Variants in SENP7 observed in about 807,000 individuals in gnomAD.
SENP7 encodes sentrin-specific protease 7.
Under a neutral mutation model 141.2 loss-of-function variants are expected in SENP7, and 64 were observed. The ratio of observed to expected loss-of-function variants is 0.45; its 90% CI spans 0.37 to 0.56. The LOEUF (loss-of-function observed/expected upper bound fraction) is 0.56, where lower values mean the gene tolerates loss of function less well. Among genes scored for constraint, SENP7 ranks in the 20% least tolerant of loss-of-function variants. The probability of loss-of-function intolerance (pLI) is 0.00; values close to 1 mark genes in which losing one functional copy is unlikely to be tolerated. For missense variants in SENP7, 1,025 were observed against 1,212.2 expected, an observed-to-expected ratio of 0.85 and a Z score of 2.29; for synonymous variants, 382 against 426.4, an observed-to-expected ratio of 0.90 and a Z score of 1.28.
intron 3 of SENP7, among the ~76,000 whole-genome samples, chr3:101,491,519 A>C (rs2064966518): frequency 6.6e-6 from 1 of 152,112 alleles, no homozygotes; most frequent in African/African-American, 2.4e-5. Context: ...CAGCCTCTCA[A>C]AGTGCTAGGA....
chr3:101,484,137 T>C (rs2064625478), intron 3 of SENP7, among the ~76,000 whole-genome samples: 1 of 152,178 alleles, frequency 6.6e-6, no homozygotes, highest in Non-Finnish European at 1.5e-5. Context: ...AGTCTATCAA[T>C]GGCTTTTTAA....
chr3:101,502,853 C>T (rs1205877249), intron 1 of SENP7, among the ~76,000 whole-genome samples: 1 of 151,196 alleles, frequency 6.6e-6, no homozygotes, highest in Admixed American at 6.6e-5. Context: ...GAGGTTACAG[C>T]TGCAGCGAGC....
At chr3:101,500,545 A>G (rs2065337550) in intron 2 of SENP7, among the ~76,000 whole-genome samples, 1 of 151,662 alleles carries the variant, frequency 6.6e-6, no homozygotes, top group Admixed American at 6.6e-5. Flanking sequence ...CCTGTCTCTT[A>G]AAAAAAAAGA....
intron 2 of SENP7, among the ~76,000 whole-genome samples, chr3:101,499,832 G>T (rs2065306427): frequency 6.6e-6 from 1 of 152,042 alleles, no homozygotes; most frequent in Non-Finnish European, 1.5e-5. Flanking sequence ...ACTGCGCCCG[G>T]CCAATTTTTG....
chr3:101,356,185 C>T (rs1355242626), intron 11 of SENP7, among the ~76,000 whole-genome samples: 1 of 152,078 alleles, frequency 6.6e-6, no homozygotes, highest in African/African-American at 2.4e-5. Context: ...GAACACCTAC[C>T]TTATACGTTA....
intron 6 of SENP7, 25 bp from the exon 7 acceptor site, chr3:101,372,151 T>A: frequency 1.6e-6 from 2 of 1,248,004 alleles, no homozygotes; most frequent in Non-Finnish European, 2.2e-6. Context: ...TGTATTATAC[T>A]CAATTCTAAT....
chr3:101,363,413 T>C (rs941075291), intron 10 of SENP7, among the ~76,000 whole-genome samples: 14 of 152,200 alleles, frequency 9.2e-5, no homozygotes, highest in African/African-American at 2.2e-4. Context: ...AGAGAGAGCA[T>C]AGAGATGTGG....
intron 4 of SENP7, among the ~76,000 whole-genome samples, chr3:101,419,914 A>C (rs1486965971): frequency 3.9e-5 from 6 of 152,222 alleles, no homozygotes; most frequent in Non-Finnish European, 8.8e-5. Context: ...GCAGCTGAGG[A>C]GACCAAGATA....
chr3:101,381,775 G>A lies in SENP7; in HGVS notation c.678-9649C>T, dbSNP rs76513655. ...GGATATATGCACTATTTGTATCAGT[G>A]TTTTTCAAATTGCTAGTCAGAAGAA... On this transcript the variant is annotated intron_variant, in intron 6 of 23. Coordinates refer to ENST00000394095, the MANE Select transcript of SENP7 (RefSeq NM_020654.5). 6.1e-3 allele frequency among the ~76,000 whole-genome samples: 931 copies of A among 152,238 alleles called. 6 individuals are homozygous for A. Among genetic ancestry groups the A allele is most frequent in the African/African-American group, 0.022 (897 of 41,554 alleles).
intron 4 of SENP7, among the ~76,000 whole-genome samples, chr3:101,441,657 T>C (rs1370959356): frequency 6.6e-6 from 1 of 152,140 alleles, no homozygotes; most frequent in Non-Finnish European, 1.5e-5. Context: ...CCAAACATGC[T>C]GACCAGGGAC....
chr3:101,427,490 C>A (rs199665414), intron 4 of SENP7, among the ~76,000 whole-genome samples: 533 of 100,658 alleles, frequency 5.3e-3, no homozygotes, highest in South Asian at 7.4e-3. Flanking sequence ...ACACTGTCTC[C>A]AAAAAAAAAA....
chr3:101,409,544 GCC>G (rs1406367856), intron 5 of SENP7, among the ~76,000 whole-genome samples: 2 of 151,902 alleles, frequency 1.3e-5, no homozygotes, highest in Admixed American at 1.3e-4. Flanking sequence ...ATACCATAAG[GCC>G]AAAGTCACCA....
chr3:101,408,917 G>A (rs1251174640), intron 5 of SENP7, among the ~76,000 whole-genome samples: 1 of 152,112 alleles, frequency 6.6e-6, no homozygotes, highest in East Asian at 1.9e-4. Context: ...ACATAGTACT[G>A]GAAGTCCTGG....
At chr3:101,351,444 T>C (rs1156896368) in intron 12 of SENP7, among the ~76,000 whole-genome samples, 174 bp downstream of exon 12, 3 of 151,928 alleles carry the variant, frequency 2.0e-5, no homozygotes, top group Non-Finnish European at 2.9e-5. Context: ...GTTTGATTTA[T>C]AGTCATTAAA....
intron 11 of SENP7, chr3:101,357,546 T>G (rs2059777888): frequency 2.2e-6 from 3 of 1,387,578 alleles, no homozygotes; most frequent in African/African-American, 2.9e-5. Context: ...AAAGTGATAC[T>G]GAGAAGATAT....
intron 19 of SENP7, among the ~76,000 whole-genome samples, chr3:101,330,725 G>A (rs181309440): frequency 3.9e-5 from 6 of 152,224 alleles, no homozygotes; most frequent in Admixed American, 1.3e-4. Flanking sequence ...GCCTAATAAT[G>A]GTGCTTCTAA....
intron 2 of SENP7, among the ~76,000 whole-genome samples, chr3:101,498,326 T>A (rs1443002329): frequency 2.0e-5 from 3 of 152,120 alleles, no homozygotes; most frequent in Non-Finnish European, 4.4e-5. Context: ...AACAGGCAGA[T>A]CCCATCTTAA....
At chr3:101,427,057 A>G (rs955377252) in intron 4 of SENP7, among the ~76,000 whole-genome samples, 4 of 152,308 alleles carry the variant, frequency 2.6e-5, no homozygotes, top group African/African-American at 4.8e-5. Flanking sequence ...TTTAAGGCCA[A>G]TATCCTTTAT....
intron 5 of SENP7, among the ~76,000 whole-genome samples, chr3:101,413,787 T>C (rs1407270943): frequency 1.3e-5 from 2 of 151,164 alleles, no homozygotes; most frequent in African/African-American, 4.9e-5. Context: ...TATACAACAG[T>C]ATATACATTC....
Sources: allele counts gnomAD v4.1 joint callset (sites outside exome capture counted in the v4.1 genomes callset), GRCh38; gene constraint gnomAD v4.1.1; transcripts MANE v1.5; gene names NCBI Gene and HGNC (gene_info 2026-07-23, HGNC 2026-07-21).